Variants in PLBD1 observed in about 807,000 individuals in gnomAD.
PLBD1 encodes lysosomal leucine aminopeptidase.
In PLBD1, 60 loss-of-function variants were observed where a neutral mutation model predicts 63.0. That is an observed-to-expected ratio of 0.95 (90% CI 0.77 to 1.18). The LOEUF (loss-of-function observed/expected upper bound fraction) is 1.18, where lower values mean the gene tolerates loss of function less well. PLBD1 is among the 50% of genes most tolerant of loss of function. PLBD1 has a pLI of 0.00. For synonymous variants in PLBD1, 262 were observed against 248.0 expected, an observed-to-expected ratio of 1.06 and a Z score of -0.53; for missense variants, 598 against 677.9, an observed-to-expected ratio of 0.88 and a Z score of 1.31.
intron 6 of PLBD1, among the ~76,000 whole-genome samples, chr12:14,519,119 G>A (rs1945356505): frequency 6.6e-6 from 1 of 152,210 alleles, no homozygotes. Context: ...CATTGGTTAA[G>A]ATGGAGTATG....
At chr12:14,550,275 A>G (rs1162670943) in intron 2 of PLBD1, among the ~76,000 whole-genome samples, 1 of 152,202 alleles carries the variant, frequency 6.6e-6, no homozygotes. Context: ...ACATAGTTTT[A>G]GAGATTCTAG....
chr12:14,547,180 T>G (rs984171801), intron 2 of PLBD1, among the ~76,000 whole-genome samples: 3 of 138,142 alleles, frequency 2.2e-5, no homozygotes, highest in Non-Finnish European at 3.1e-5. Context: ...GCACCTGGCT[T>G]TGTGTGTGTG....
intron 4 of PLBD1, among the ~76,000 whole-genome samples, chr12:14,539,519 C>T (rs897438803): frequency 2.0e-5 from 3 of 151,936 alleles, no homozygotes; most frequent in Non-Finnish European, 2.9e-5. Context: ...GGTGCAATGG[C>T]TCATACCTGT....
chr12:14,510,560 G>A (rs1051754821), intron 8 of PLBD1, among the ~76,000 whole-genome samples: 6 of 152,146 alleles, frequency 3.9e-5, no homozygotes, highest in African/African-American at 1.4e-4. Flanking sequence ...TTACAATTTT[G>A]GAATTTTAAA....
At chr12:14,558,075 T>C (rs564918792) in intron 1 of PLBD1, among the ~76,000 whole-genome samples, 33 of 145,554 alleles carry the variant, frequency 2.3e-4, no homozygotes, top group African/African-American at 7.8e-4. Context: ...AAAGACTGTC[T>C]ATCAAATATG....
chr12:14,538,302 T>C (rs1285059554), intron 4 of PLBD1, among the ~76,000 whole-genome samples: 2 of 151,456 alleles, frequency 1.3e-5, no homozygotes, highest in Non-Finnish European at 2.9e-5. Context: ...CAAGCAAATC[T>C]CCTGCCTTGG....
chr12:14,512,531 T>C (rs569825444), intron 6 of PLBD1, among the ~76,000 whole-genome samples: 20 of 152,320 alleles, frequency 1.3e-4, no homozygotes, highest in East Asian at 5.8e-4. Flanking sequence ...TTGACACTCT[T>C]GGTCAATGCT....
chr12:14,532,324 G>A (rs796565392), intron 6 of PLBD1, among the ~76,000 whole-genome samples: 3 of 152,284 alleles, frequency 2.0e-5, no homozygotes, highest in African/African-American at 7.2e-5. Context: ...CCGCCCCAAG[G>A]ACTGACCGAC....
At chr12:14,540,066 T>A (rs1470452472) in intron 4 of PLBD1, among the ~76,000 whole-genome samples, 10 of 64,900 alleles carry the variant, frequency 1.5e-4, no homozygotes, top group East Asian at 7.1e-4. Flanking sequence ...ACACACACAC[T>A]GGTCAAAATA....
chr12:14,539,041 T>A (rs1945543917), intron 4 of PLBD1, among the ~76,000 whole-genome samples: 1 of 152,020 alleles, frequency 6.6e-6, no homozygotes, highest in African/African-American at 2.4e-5. Flanking sequence ...AATAAATAAA[T>A]AAAACTCTTC....
intron 2 of PLBD1, among the ~76,000 whole-genome samples, chr12:14,545,397 C>T (rs1592006400): frequency 6.6e-6 from 1 of 152,228 alleles, no homozygotes; most frequent in Non-Finnish European, 1.5e-5. Context: ...CATATTTTAT[C>T]ACTTTGTTTT....
chr12:14,539,631 CA>C (rs1426103834), intron 4 of PLBD1, among the ~76,000 whole-genome samples: 5 of 151,378 alleles, frequency 3.3e-5, no homozygotes, highest in African/African-American at 4.9e-5. Context: ...ACTAAAAATA[CA>C]AAAATTAGTT....
chr12:14,561,329 T>C (rs1161763671), intron 1 of PLBD1, among the ~76,000 whole-genome samples: 2 of 152,056 alleles, frequency 1.3e-5, no homozygotes, highest in East Asian at 3.9e-4. Flanking sequence ...TCAGAGTTCT[T>C]GCCAAAAGCC....
intron 6 of PLBD1, among the ~76,000 whole-genome samples, chr12:14,527,275 T>G (rs567952226): frequency 1.6e-4 from 24 of 152,250 alleles, no homozygotes; most frequent in African/African-American, 5.8e-4. Flanking sequence ...TATGCTAACT[T>G]TAGCTTATGG....
Position 14,532,141 on chromosome 12 carries a change from A to G in PLBD1, c.844+3518T>C, listed in dbSNP as rs868098439. On this transcript the variant is annotated intron_variant, in intron 6 of 10. Coordinates refer to ENST00000240617, the MANE Select transcript of PLBD1 (RefSeq NM_024829.6). ...AGTGGGTAGGATAGGTGAGAAGCCTATAAGTCGAGCTGGAAGAGCTGTCCC... is the reference window on the plus strand; with the variant it reads ...AGTGGGTAGGATAGGTGAGAAGCCTGTAAGTCGAGCTGGAAGAGCTGTCCC... Among the ~76,000 whole-genome samples, 7 of 152,318 alleles carry G rather than the reference A, an allele frequency of 4.6e-5. No individual in the cohort carries two copies. In the Middle Eastern group the frequency reaches 0.01, roughly 222 times the overall value.
At chr12:14,541,170 T>C (rs1322235946) in intron 3 of PLBD1, among the ~76,000 whole-genome samples, 1 of 152,222 alleles carries the variant, frequency 6.6e-6, no homozygotes, top group Non-Finnish European at 1.5e-5. Context: ...CTAACTGTGA[T>C]ACAAGACCTA....
chr12:14,514,420 T>C (rs868473732), intron 6 of PLBD1, among the ~76,000 whole-genome samples: 13 of 152,204 alleles, frequency 8.5e-5, no homozygotes, highest in Middle Eastern at 3.2e-3. Flanking sequence ...GCTGTAGCAG[T>C]CTCCCTGGAC....
chr12:14,558,141 G>A (rs761943286), intron 1 of PLBD1, among the ~76,000 whole-genome samples: 4 of 151,702 alleles, frequency 2.6e-5, no homozygotes, highest in Admixed American at 6.6e-5. Context: ...CCCGGGGCTC[G>A]GTGATAGGCT....
intron 6 of PLBD1, among the ~76,000 whole-genome samples, chr12:14,523,311 A>G (rs1193892159): frequency 6.6e-6 from 1 of 152,200 alleles, no homozygotes; most frequent in Non-Finnish European, 1.5e-5. Flanking sequence ...GATGAAACCT[A>G]TAAAATATTG....
Sources: allele counts gnomAD v4.1 joint callset (sites outside exome capture counted in the v4.1 genomes callset), GRCh38; gene constraint gnomAD v4.1.1; transcripts MANE v1.5; gene names NCBI Gene and HGNC (gene_info 2026-07-23, HGNC 2026-07-21).